PRXL2A: variants seen among roughly 807,000 people sequenced by gnomAD.
The protein encoded by PRXL2A is peroxiredoxin-like 2A.
PRXL2A carries 26 observed loss-of-function variants against 25.6 expected under a neutral mutation model. The observed-to-expected ratio is 1.02, with a 90% CI of 0.74 to 1.41. The LOEUF is 1.41. Among genes scored for constraint, PRXL2A ranks in the 40% most tolerant of loss-of-function variants. The pLI is 0.00. For missense variants in PRXL2A, 246 were observed against 273.9 expected (o/e 0.90, Z 0.72); for synonymous variants, 98 against 102.9 (o/e 0.95, Z 0.29).
chr10:80,422,847 A>C (rs1351340747), intron 3 of PRXL2A, among the ~76,000 whole-genome samples: 7 of 152,022 alleles, frequency 4.6e-5, no homozygotes, highest in Admixed American at 3.3e-4. Context: ...GCACAGATAT[A>C]TGATGTGCCT....
intron 4 of PRXL2A, among the ~76,000 whole-genome samples, chr10:80,426,750 T>C (rs1156878592): frequency 2.0e-5 from 3 of 152,120 alleles, no homozygotes; most frequent in Admixed American, 6.6e-5. Flanking sequence ...AGTGAGAAGG[T>C]AGAGTCAGAA....
rs1249142033 is a variant in PRXL2A at position 80,433,251 on chromosome 10, T to C, written c.*1152T>C. 2 of 152,232 alleles carry C rather than the reference T, an allele frequency of 1.3e-5. No individual in the cohort carries two copies. The highest frequency in any genetic ancestry group is 4.8e-5 in the African/African-American group (2 of 41,460). The allele number at this position is 152,232 out of a possible 1,614,324, so 9.4% of individuals were successfully genotyped here. On this transcript the variant is annotated 3_prime_UTR_variant, in exon 6 of 6. Coordinates refer to ENST00000606162, the MANE Select transcript of PRXL2A (RefSeq NM_032333.5). Reference sequence around the variant, plus strand: ...TGGTAGCTGTTTTTCTATTGGTCTTTTAGCCTAATTTGGCAAATCAGAAGA... The same window carrying C: ...TGGTAGCTGTTTTTCTATTGGTCTTCTAGCCTAATTTGGCAAATCAGAAGA...
At chr10:80,426,334 C>G (rs1433003459) in intron 4 of PRXL2A, among the ~76,000 whole-genome samples, 1 of 152,204 alleles carries the variant, frequency 6.6e-6, no homozygotes, top group Admixed American at 6.5e-5. Flanking sequence ...ATTCAATATT[C>G]AATAGACTAC....
chr10:80,421,959 A>G (rs897761898), intron 2 of PRXL2A, among the ~76,000 whole-genome samples: 6 of 152,150 alleles, frequency 3.9e-5, no homozygotes, highest in African/African-American at 2.4e-5. Flanking sequence ...TACTACCCCA[A>G]AGCATTTTAT....
chr10:80,414,094 C>G (rs1199532904), intron 1 of PRXL2A, among the ~76,000 whole-genome samples: 1 of 152,108 alleles, frequency 6.6e-6, no homozygotes, highest in Non-Finnish European at 1.5e-5. Flanking sequence ...TTAGGAACTT[C>G]CTCATGGAGT....
At chr10:80,408,215 T>C (rs1476548423), upstream of PRXL2A, among the ~76,000 whole-genome samples, 1 of 149,988 alleles carries the variant, frequency 6.7e-6, no homozygotes, top group East Asian at 2.0e-4. Context: ...AAAACCAGGC[T>C]GAAGATTGGA....
chr10:80,413,743 C>A, intron 1 of PRXL2A: 1 of 687,890 alleles, frequency 1.5e-6, no homozygotes, highest in Non-Finnish European at 1.8e-6. Flanking sequence ...TGGCCTGGTC[C>A]TGCCTATGGA....
chr10:80,416,728 C>T (rs1009200210), intron 1 of PRXL2A, among the ~76,000 whole-genome samples: 28 of 152,184 alleles, frequency 1.8e-4, no homozygotes, highest in Admixed American at 1.0e-3. Flanking sequence ...GCACGAAGTC[C>T]TGAATTCTTT....
intron 1 of PRXL2A, among the ~76,000 whole-genome samples, chr10:80,419,298 C>CTTTTTTTTTTTTTTTTTTTTTTTTTTT: frequency 7.7e-6 from 1 of 129,172 alleles, no homozygotes; most frequent in Non-Finnish European, 1.6e-5. Flanking sequence ...CTTCCTCTTT[C>CTTTTTTTTTTTTTTTTTTTTTTTTTTT]TTTTTTTTTT....
At chr10:80,416,485 G>C (rs770062612) in intron 1 of PRXL2A, among the ~76,000 whole-genome samples, 22 of 152,152 alleles carry the variant, frequency 1.4e-4, no homozygotes, top group Admixed American at 5.2e-4. Context: ...ACACCTCTTG[G>C]GGGTAGAAGT....
At chr10:80,427,937 C>T (rs1376083728) in intron 5 of PRXL2A, among the ~76,000 whole-genome samples, 3 of 152,056 alleles carry the variant, frequency 2.0e-5, no homozygotes, top group Non-Finnish European at 2.9e-5. Context: ...TGAACAAAAG[C>T]GTAGTTTTAT....
chr10:80,424,282 A>G (rs980153981), intron 3 of PRXL2A, among the ~76,000 whole-genome samples: 6 of 151,846 alleles, frequency 4.0e-5, no homozygotes, highest in Admixed American at 3.3e-4. Context: ...AAGACCTTTC[A>G]TCTCAGCCAG....
intron 1 of PRXL2A, among the ~76,000 whole-genome samples, chr10:80,411,546 G>A (rs1430082934): frequency 6.6e-6 from 1 of 152,220 alleles, no homozygotes; most frequent in African/African-American, 2.4e-5. Context: ...TGGAAGTTGG[G>A]AGACCCAAAC....
intron 2 of PRXL2A, 121 bp downstream of exon 2, chr10:80,420,766 A>G (rs796260630): frequency 7.7e-5 from 56 of 727,840 alleles, no homozygotes; most frequent in Non-Finnish European, 1.0e-5. Context: ...CATTAGGAAA[A>G]ATTTAATAAC....
chr10:80,416,005 A>G lies in PRXL2A; in HGVS notation c.-2-4461A>G, dbSNP rs145624889. ...CAAATCTGTGATCAGAGACCATTCT[A>G]TGTGCTCCTGAGTCATAACACAAGT... On this transcript the variant is annotated intron_variant, in intron 1 of 5. Transcript: ENST00000606162. 8.4e-3 allele frequency among the ~76,000 whole-genome samples: 1,274 copies of G among 152,314 alleles called. 13 individuals carry two copies. Among genetic ancestry groups the G allele is most frequent in the Non-Finnish European group, 0.014 (941 of 68,024 alleles).
At chr10:80,408,982 C>T (rs1564686162) in intron 1 of PRXL2A, 1 of 974,158 alleles carries the variant, frequency 1.0e-6, no homozygotes, top group Non-Finnish European at 1.2e-6. Context: ...TGGCGCCAAC[C>T]TTCGCGAATT....
At chr10:80,422,087 A>G (rs778688467) in intron 2 of PRXL2A, among the ~76,000 whole-genome samples, 4 of 152,344 alleles carry the variant, frequency 2.6e-5, no homozygotes, top group Middle Eastern at 6.8e-3. Context: ...TTATTATACA[A>G]TATCTGATGA....
At chr10:80,431,884 G>C in intron 5 of PRXL2A, 102 bp from the exon 6 acceptor site, 1 of 813,852 alleles carries the variant, frequency 1.2e-6, no homozygotes. Context: ...TGTGTCCTTT[G>C]CTATTCAAGC....
rs141706830 is a variant in PRXL2A, at chr10:80,420,599, G to C, written c.132G>C (p.Ala44=). 3 of 1,613,770 alleles carry C rather than the reference G, an allele frequency of 1.9e-6. No individual in the cohort carries two copies. The highest frequency in any genetic ancestry group is 2.5e-6 in the Non-Finnish European group (3 of 1,179,860). Reference sequence around the variant, plus strand: ...TGTTTCTGTCCAAGCCCCAGAAAGCGGCCCTGGAGTACCTGGAGGATATAG... The same window carrying C: ...TGTTTCTGTCCAAGCCCCAGAAAGCCGCCCTGGAGTACCTGGAGGATATAG... ...TDVFLSKPQK[A]ALEYLEDIDL... Residue 44 remains alanine, a synonymous_variant, in exon 2 of 6, where the codon GCG becomes GCC. Transcript: ENST00000606162.
Sources: allele counts gnomAD v4.1 joint callset (sites outside exome capture counted in the v4.1 genomes callset), GRCh38; gene constraint gnomAD v4.1.1; transcripts MANE v1.5; gene names NCBI Gene and HGNC (gene_info 2026-07-23, HGNC 2026-07-21).